Variants in ASTN2 observed in about 807,000 individuals in gnomAD.
The protein encoded by ASTN2 is astrotactin-2.
Under a neutral mutation model 139.8 loss-of-function variants are expected in ASTN2, and 54 were observed. That is an observed-to-expected ratio of 0.39 (90% CI 0.31 to 0.48). The LOEUF (loss-of-function observed/expected upper bound fraction) is 0.48, where lower values mean the gene tolerates loss of function less well. Among genes scored for constraint, ASTN2 ranks in the 20% least tolerant of loss-of-function variants. ASTN2 has a pLI of 0.95. For missense variants in ASTN2, 1,565 were observed against 1,725.1 expected (o/e 0.91, Z 1.64); for synonymous variants, 756 against 719.5 (o/e 1.05, Z -0.81).
intron 1 of ASTN2, among the ~76,000 whole-genome samples, chr9:117,321,368 C>A (rs1828316806): frequency 6.6e-6 from 1 of 152,160 alleles, no homozygotes; most frequent in Non-Finnish European, 1.5e-5. Context: ...GATTTCAGGG[C>A]CTCTCTCTGG....
At chr9:117,303,110 C>T (rs1834915498) in intron 1 of ASTN2, among the ~76,000 whole-genome samples, 1 of 152,144 alleles carries the variant, frequency 6.6e-6, no homozygotes, top group South Asian at 2.1e-4. Context: ...TGGCAGGCTT[C>T]TACTTCCTTC....
At chr9:116,829,777 A>C (rs1831750171) in intron 11 of ASTN2, among the ~76,000 whole-genome samples, 1 of 152,214 alleles carries the variant, frequency 6.6e-6, no homozygotes, top group Admixed American at 6.5e-5. Flanking sequence ...TGGGAACACA[A>C]ATCCAAATCA....
intron 6 of ASTN2, among the ~76,000 whole-genome samples, chr9:117,022,819 GAGTGGGC>G (rs926777556): frequency 2.0e-5 from 3 of 152,124 alleles, no homozygotes; most frequent in African/African-American, 7.2e-5. Flanking sequence ...GATGGAATCA[GAGTGGGC>G]AGTGGGCAGT....
intron 4 of ASTN2, among the ~76,000 whole-genome samples, chr9:117,114,163 A>T (rs1450644552): frequency 1.1e-4 from 14 of 131,798 alleles, no homozygotes; most frequent in Admixed American, 7.7e-4. Context: ...AATGAACATT[A>T]GTCTTTTTTT....
chr9:116,476,491 T>C (rs1362627657), intron 20 of ASTN2, among the ~76,000 whole-genome samples: 1 of 152,082 alleles, frequency 6.6e-6, no homozygotes, highest in African/African-American at 2.4e-5. Context: ...CCCTGGAGCA[T>C]GATATGCAGT....
At chr9:117,271,094 G>A (rs1834053019) in intron 2 of ASTN2, among the ~76,000 whole-genome samples, 1 of 152,150 alleles carries the variant, frequency 6.6e-6, no homozygotes, top group Admixed American at 6.5e-5. Flanking sequence ...ACTTGTATCA[G>A]TCCATTTTTA....
intron 11 of ASTN2, among the ~76,000 whole-genome samples, chr9:116,831,170 T>A (rs1444204448): frequency 3.9e-5 from 6 of 152,108 alleles, no homozygotes; most frequent in Non-Finnish European, 7.4e-5. Flanking sequence ...CAGAGTGCAA[T>A]GACAAACACT....
chr9:117,007,158 T>G (rs1481356458), intron 7 of ASTN2, among the ~76,000 whole-genome samples: 1 of 152,080 alleles, frequency 6.6e-6, no homozygotes, highest in African/African-American at 2.4e-5. Context: ...AGGTGTGTGC[T>G]CAAATGTCAT....
intron 5 of ASTN2, among the ~76,000 whole-genome samples, chr9:117,075,511 G>A (rs1239721288): frequency 3.3e-5 from 5 of 149,448 alleles, no homozygotes; most frequent in Non-Finnish European, 4.5e-5. Flanking sequence ...AGGGGGAGGA[G>A]GAGGAGGGGG....
intron 10 of ASTN2, among the ~76,000 whole-genome samples, chr9:116,940,853 T>C (rs1295779920): frequency 6.6e-6 from 1 of 152,198 alleles, no homozygotes; most frequent in Non-Finnish European, 1.5e-5. Context: ...TCATGGTAAG[T>C]GCCCTATACA....
At chr9:116,886,438 G>C (rs1036733246) in intron 10 of ASTN2, among the ~76,000 whole-genome samples, 3 of 152,054 alleles carry the variant, frequency 2.0e-5, no homozygotes, top group African/African-American at 7.2e-5. Context: ...GCAGTGGTGC[G>C]ATCACACACT....
intron 17 of ASTN2, among the ~76,000 whole-genome samples, chr9:116,628,765 T>C (rs1490884109): frequency 6.6e-6 from 1 of 152,218 alleles, no homozygotes; most frequent in Non-Finnish European, 1.5e-5. Context: ...GTTCACTGAT[T>C]GTGGCAAATG....
At chr9:116,673,697 A>C (rs750930080) in intron 16 of ASTN2, among the ~76,000 whole-genome samples, 4 of 152,228 alleles carry the variant, frequency 2.6e-5, no homozygotes, top group Non-Finnish European at 4.4e-5. Context: ...TGGGGCCACC[A>C]GAAGTTGGAA....
At chr9:117,181,989 C>G (rs1368732743) in intron 3 of ASTN2, among the ~76,000 whole-genome samples, 2 of 152,184 alleles carry the variant, frequency 1.3e-5, no homozygotes, top group African/African-American at 4.8e-5. Flanking sequence ...ATGCTGCCAC[C>G]TTCCAGCTGT....
intron 3 of ASTN2, among the ~76,000 whole-genome samples, chr9:117,202,900 T>G (rs1026638335): frequency 6.6e-6 from 1 of 152,188 alleles, no homozygotes; most frequent in Non-Finnish European, 1.5e-5. Flanking sequence ...GTTGGGGAAG[T>G]TCTCCTGAAT....
At chr9:116,702,282 C>A (rs189506464) in intron 16 of ASTN2, among the ~76,000 whole-genome samples, 1 of 151,930 alleles carries the variant, frequency 6.6e-6, no homozygotes, top group African/African-American at 2.4e-5. Context: ...ATGGCTGTTA[C>A]TCTTTTATCT....
At chr9:116,686,671 T>G (rs1467816959) in intron 16 of ASTN2, 1 of 1,548,786 alleles carries the variant, frequency 6.5e-7, no homozygotes, top group African/African-American at 1.4e-5. Flanking sequence ...CGAGCAAAAC[T>G]ACACTTGGTT....
Position 117,295,749 on chromosome 9 carries a change from T to TA in ASTN2, c.443-4237dup, listed in dbSNP as rs79650381. Among the ~76,000 whole-genome samples, 737 of 145,052 alleles carry TA rather than the reference T, an allele frequency of 5.1e-3. 4 individuals carry two copies. Among genetic ancestry groups the TA allele is most frequent in the African/African-American group, 0.017 (654 of 39,100 alleles). ...AGAGTGTTACATTTCATCAGAGAAT[T>TA]AAAAAAAAAAAAGAAGAAGAAGAAG... On this transcript the variant is annotated intron_variant, in intron 1 of 22. Coordinates refer to ENST00000313400, the MANE Select transcript of ASTN2 (RefSeq NM_001365068.1).
chr9:116,616,424 G>A (rs1298053191), intron 19 of ASTN2, among the ~76,000 whole-genome samples: 6 of 152,294 alleles, frequency 3.9e-5, no homozygotes, highest in African/African-American at 1.4e-4. Context: ...CAACACTTGA[G>A]TTTCAATGTA....
Sources: gnomAD v4.1 joint callset for allele counts (sites outside exome capture counted in the v4.1 genomes callset) on GRCh38, gnomAD v4.1.1 for gene constraint, MANE v1.5 for transcripts, NCBI Gene and HGNC (gene_info 2026-07-23, HGNC 2026-07-21) for gene names.